MEP1A: variants seen among roughly 807,000 people sequenced by gnomAD.
MEP1A encodes meprin A subunit alpha.
Under a neutral mutation model 84.5 loss-of-function variants are expected in MEP1A, and 68 were observed. That is an observed-to-expected ratio of 0.80 (90% CI 0.66 to 0.98). The LOEUF (loss-of-function observed/expected upper bound fraction) is 0.98. Among genes scored for constraint, MEP1A ranks in the 50% least tolerant of loss-of-function variants. The pLI, the probability that MEP1A is intolerant of heterozygous loss-of-function variation, is 0.00. For missense variants in MEP1A, 887 were observed against 919.9 expected, an observed-to-expected ratio of 0.96 and a Z score of 0.46; for synonymous variants, 337 against 336.8, an observed-to-expected ratio of 1.00 and a Z score of -0.01.
At chr6:46,824,605 T>A (rs568392919) in intron 7 of MEP1A, among the ~76,000 whole-genome samples, 17 of 135,632 alleles carry the variant, frequency 1.3e-4, no homozygotes, top group Admixed American at 9.0e-4. Flanking sequence ...ATTAAATAGA[T>A]GTATTTAAAT....
intron 7 of MEP1A, 66 bp from the exon 8 acceptor site, chr6:46,825,206 T>C (rs979524015): frequency 2.3e-5 from 21 of 924,502 alleles, no homozygotes; most frequent in Admixed American, 4.8e-5. Flanking sequence ...TCTGGGTATC[T>C]AGTCAAAGAG....
intron 6 of MEP1A, among the ~76,000 whole-genome samples, chr6:46,818,154 A>G (rs926787529): frequency 1.9e-4 from 29 of 152,254 alleles, no homozygotes; most frequent in Admixed American, 1.9e-3. Flanking sequence ...CAAGTTGATC[A>G]TGGTTACATT....
At position 46,814,029 on chromosome 6, in the gene MEP1A, A is replaced by G. The variant is rs563213631; in HGVS notation, c.380+4492A>G. 4.6e-5 allele frequency among the ~76,000 whole-genome samples: 7 copies of G among 152,254 alleles called. No homozygotes were observed. The South Asian group carries it at 1.5e-3, about 32-fold the overall frequency. On this transcript the variant is annotated intron_variant, in intron 6 of 13. Transcript: ENST00000230588. Reference sequence around the variant, plus strand: ...GAGATAACCTGATGACTGTGTGCCTAGGCGATGATCTTTTTGAGATGCATT... The same window carrying G: ...GAGATAACCTGATGACTGTGTGCCTGGGCGATGATCTTTTTGAGATGCATT...
At chr6:46,832,973 T>G in intron 10 of MEP1A, 101 bp from the exon 11 acceptor site, 358 of 663,412 alleles carry the variant, frequency 5.4e-4, no homozygotes, top group Middle Eastern at 8.8e-4. Context: ...GAGGATTTAA[T>G]GAGATAATTT....
chr6:46,831,944 T>C (rs1378480043), intron 10 of MEP1A, among the ~76,000 whole-genome samples: 4 of 152,120 alleles, frequency 2.6e-5, no homozygotes, highest in Non-Finnish European at 5.9e-5. Context: ...TCTCCTGTGT[T>C]CCCATGTAAC....
chr6:46,828,236 G>A (rs1402229967), intron 9 of MEP1A, among the ~76,000 whole-genome samples: 1 of 142,646 alleles, frequency 7.0e-6, no homozygotes, highest in African/African-American at 2.5e-5. Context: ...CTTGTGCGCT[G>A]TTTTTTTTTT....
downstream of MEP1A, among the ~76,000 whole-genome samples, chr6:46,843,683 G>C (rs1427802891): frequency 6.6e-6 from 1 of 152,166 alleles, no homozygotes; most frequent in African/African-American, 2.4e-5. Flanking sequence ...CCTGCAGGCT[G>C]TATACAGTGT....
intron 12 of MEP1A, 51 bp downstream of exon 12, chr6:46,834,802 A>G (rs370055420): frequency 8.4e-5 from 120 of 1,421,354 alleles, no homozygotes; most frequent in Admixed American, 5.2e-4. Flanking sequence ...TTGGCACTCT[A>G]CTGATTTTAT....
In MEP1A at chr6:46,820,345, C is replaced by T. The variant is rs918232546; in HGVS notation, c.556+641C>T. Among the ~76,000 whole-genome samples, 8 of 152,072 alleles carry T rather than the reference C, an allele frequency of 5.3e-5. No individual in the cohort carries two copies. In the South Asian group the frequency reaches 6.2e-4, roughly 12 times the overall value. On this transcript the variant is annotated intron_variant, in intron 7 of 13. Transcript: ENST00000230588. ...TGCAAAATACAACAGTTTTGTCTTA[C>T]GTATTATTCCGTTGTATTATTTTAA...
chr6:46,827,882 G>A (rs1163589947), intron 9 of MEP1A, among the ~76,000 whole-genome samples: 2 of 152,198 alleles, frequency 1.3e-5, no homozygotes, highest in Non-Finnish European at 2.9e-5. Context: ...AAATGTTCTA[G>A]TAAGAGAAAA....
Position 46,798,622 on chromosome 6 carries a change from C to G in MEP1A, c.162C>G (p.Leu54=), listed in dbSNP as rs773761967. 5 of 1,613,924 alleles carry G rather than the reference C, an allele frequency of 3.1e-6. No homozygotes were observed. In the African/African-American group the frequency reaches 6.7e-5, roughly 22 times the overall value. The change falls in exon 4 of 14, where the codon CTC becomes CTG. Residue 54 remains leucine, a synonymous_variant. Transcript: ENST00000230588. ...SEINLAAGLD[L]FQGDILLQKS... ...CACTTCCAGCTGCAGGCTTGGACCT[C>G]TTTCAAGGGGACATCCTCTTGCAGG...
At chr6:46,836,516 C>T in intron 13 of MEP1A, among the ~76,000 whole-genome samples, 1 of 152,206 alleles carries the variant, frequency 6.6e-6, no homozygotes, top group Non-Finnish European at 1.5e-5. Flanking sequence ...ATTCACCCAG[C>T]TTTCCCTAAT....
chr6:46,812,767 G>A (rs565947544), intron 6 of MEP1A, among the ~76,000 whole-genome samples: 1 of 152,102 alleles, frequency 6.6e-6, no homozygotes, highest in South Asian at 2.1e-4. Flanking sequence ...CCATGCATTT[G>A]CATGGTTTTG....
In MEP1A at chr6:46,807,478, A is replaced by C. The variant is rs185958391; in HGVS notation, c.263-1942A>C. Among the ~76,000 whole-genome samples, 731 of 148,468 alleles carry C rather than the reference A, an allele frequency of 4.9e-3. 5 individuals carry two copies. The highest frequency in any genetic ancestry group is 6.7e-3 in the Non-Finnish European group (449 of 67,402). On this transcript the variant is annotated intron_variant, in intron 5 of 13. Coordinates refer to ENST00000230588, the MANE Select transcript of MEP1A (RefSeq NM_005588.3). ...CACTTGAGCCTAGGAGTTCAAGTCGAGCCTGAGCAACAAAGTGAGACCCCC... is the reference window on the plus strand; with the variant it reads ...CACTTGAGCCTAGGAGTTCAAGTCGCGCCTGAGCAACAAAGTGAGACCCCC...
At chr6:46,809,136 ATTATT>A (rs3839567) in intron 5 of MEP1A, among the ~76,000 whole-genome samples, 8,953 of 151,942 alleles carry the variant, frequency 0.059, 332 homozygotes, top group African/African-American at 0.12. Flanking sequence ...AAGTTATTTT[ATTATT>A]TTATTTAGCC....
intron 3 of MEP1A, among the ~76,000 whole-genome samples, chr6:46,796,324 A>G (rs369717683): frequency 2.5e-4 from 38 of 151,476 alleles, no homozygotes; most frequent in African/African-American, 9.2e-4. Context: ...TGTTGCCTCT[A>G]CCTCCCCTAC....
At chr6:46,824,998 C>G (rs1318559384) in intron 7 of MEP1A, among the ~76,000 whole-genome samples, 1 of 71,416 alleles carries the variant, frequency 1.4e-5, no homozygotes, top group Non-Finnish European at 3.4e-5. Flanking sequence ...TTAAATAGAT[C>G]TATTTAAGTA....
intron 5 of MEP1A, among the ~76,000 whole-genome samples, chr6:46,799,439 T>A (rs1054939236): frequency 1.3e-5 from 2 of 152,146 alleles, no homozygotes; most frequent in African/African-American, 4.8e-5. Context: ...CAGGAGAACA[T>A]AAAAGAGCAA....
chr6:46,832,401 C>T (rs1444020082), intron 10 of MEP1A, among the ~76,000 whole-genome samples: 3 of 152,168 alleles, frequency 2.0e-5, no homozygotes, highest in Non-Finnish European at 2.9e-5. Flanking sequence ...GCTCTTAATT[C>T]GAAAGTCCCA....
Sources: gnomAD v4.1 joint callset for allele counts (sites outside exome capture counted in the v4.1 genomes callset) on GRCh38, gnomAD v4.1.1 for gene constraint, MANE v1.5 for transcripts, NCBI Gene and HGNC (gene_info 2026-07-23, HGNC 2026-07-21) for gene names.